Variants in RARB observed in about 807,000 individuals in gnomAD.
RARB encodes retinoic acid receptor beta.
A neutral mutation model predicts 51.9 loss-of-function variants in RARB; 17 were observed. The ratio of observed to expected loss-of-function variants is 0.33; its 90% CI spans 0.22 to 0.49. RARB has a LOEUF of 0.49. RARB is among the 20% of genes least tolerant of loss of function. RARB has a pLI of 0.99. For synonymous variants in RARB, 215 were observed against 195.4 expected, an observed-to-expected ratio of 1.10 and a Z score of -0.84; for missense variants, 369 against 550.8, an observed-to-expected ratio of 0.67 and a Z score of 3.30.
At chr3:25,200,081 AT>A (rs1701351624) in intron 5 of RARB, among the ~76,000 whole-genome samples, 1 of 152,062 alleles carries the variant, frequency 6.6e-6, no homozygotes, top group African/African-American at 2.4e-5. Flanking sequence ...AAGTATTCCT[AT>A]TTCTCCACAT....
intron 3 of RARB, among the ~76,000 whole-genome samples, chr3:25,512,179 C>T (rs1195655276): frequency 6.6e-6 from 1 of 152,164 alleles, no homozygotes; most frequent in Non-Finnish European, 1.5e-5. Flanking sequence ...TGTTACTGTT[C>T]CGGTATCTGT....
At chr3:24,971,060 C>T (rs188099859) in intron 2 of RARB, among the ~76,000 whole-genome samples, 1 of 152,024 alleles carries the variant, frequency 6.6e-6, no homozygotes, top group East Asian at 1.9e-4. Flanking sequence ...ATATGCAGTA[C>T]AGGAGACATG....
chr3:25,050,399 A>C (rs1698306427), intron 2 of RARB, among the ~76,000 whole-genome samples: 1 of 152,164 alleles, frequency 6.6e-6, no homozygotes. Flanking sequence ...TAATACTTCT[A>C]ATTAAATCTT....
chr3:25,277,410 G>C (rs1703421941), intron 5 of RARB, among the ~76,000 whole-genome samples: 1 of 152,134 alleles, frequency 6.6e-6, no homozygotes, highest in African/African-American at 2.4e-5. Flanking sequence ...TGCAGAAGTG[G>C]AAAGACACAA....
intron 3 of RARB, among the ~76,000 whole-genome samples, chr3:25,077,000 A>G (rs1698884052): frequency 6.6e-6 from 1 of 152,204 alleles, no homozygotes; most frequent in Non-Finnish European, 1.5e-5. Flanking sequence ...CCAGTCTTTC[A>G]GATTTGTGTG....
intron 2 of RARB, among the ~76,000 whole-genome samples, chr3:24,859,330 G>T (rs1575039284): frequency 1.3e-5 from 2 of 152,160 alleles, no homozygotes; most frequent in Admixed American, 1.3e-4. Flanking sequence ...AGTGGGAATG[G>T]ATTCAGGGGG....
At chr3:25,498,269 C>G (rs961398235) in intron 2 of RARB, among the ~76,000 whole-genome samples, 1 of 152,058 alleles carries the variant, frequency 6.6e-6, no homozygotes. Flanking sequence ...GCCCCCACCC[C>G]CTACCCGCCA....
intron 5 of RARB, among the ~76,000 whole-genome samples, chr3:25,244,151 G>A (rs931004443): frequency 3.9e-5 from 6 of 152,170 alleles, no homozygotes; most frequent in Admixed American, 3.9e-4. Flanking sequence ...GGGATCAGTG[G>A]TGATATCCCC....
rs908808962 is a variant in RARB, at chr3:25,537,591, A to G, written c.449-32167A>G. Among the ~76,000 whole-genome samples, 10 of 152,190 alleles carry G rather than the reference A, an allele frequency of 6.6e-5. No homozygotes were observed. The East Asian group carries it at 7.7e-4, about 12-fold the overall frequency. On this transcript the variant is annotated intron_variant, in intron 3 of 7. Coordinates refer to ENST00000330688, the MANE Select transcript of RARB (RefSeq NM_000965.5). Reference sequence around the variant, plus strand: ...CCTAACCCCACATTGCCGTATCATGAAAATGCCTGTGGAATGAGGGGACTG... The same window carrying G: ...CCTAACCCCACATTGCCGTATCATGGAAATGCCTGTGGAATGAGGGGACTG...
chr3:24,829,940 G>T (rs1702258073), intron 1 of RARB, among the ~76,000 whole-genome samples: 1 of 152,208 alleles, frequency 6.6e-6, no homozygotes, highest in African/African-American at 2.4e-5. Context: ...AGGCCGGGGT[G>T]TCGGACCTCT....
At chr3:25,376,248 C>T (rs1247889147) in intron 5 of RARB, among the ~76,000 whole-genome samples, 1 of 152,148 alleles carries the variant, frequency 6.6e-6, no homozygotes, top group Non-Finnish European at 1.5e-5. Context: ...TCTTACCTAC[C>T]TGGAAGCCCT....
intron 2 of RARB, among the ~76,000 whole-genome samples, chr3:24,976,901 A>G (rs545189795): frequency 9.1e-4 from 139 of 152,292 alleles, no homozygotes; most frequent in Non-Finnish European, 1.2e-3. Context: ...GAGGTCTAAC[A>G]TTTAAGTCTT....
intron 5 of RARB, among the ~76,000 whole-genome samples, chr3:25,276,690 G>C (rs763453490): frequency 1.5e-4 from 23 of 152,102 alleles, no homozygotes; most frequent in Non-Finnish European, 2.9e-4. Context: ...CTTAGCATAG[G>C]AAAGGCCTAA....
At chr3:25,129,584 A>T (rs1699912940) in intron 3 of RARB, among the ~76,000 whole-genome samples, 1 of 152,104 alleles carries the variant, frequency 6.6e-6, no homozygotes, top group Admixed American at 6.6e-5. Context: ...ACTACAAAAT[A>T]TTTTATCTTC....
intron 5 of RARB, among the ~76,000 whole-genome samples, chr3:25,341,025 T>A (rs183332491): frequency 1.5e-3 from 222 of 152,306 alleles, no homozygotes; most frequent in Middle Eastern, 3.4e-3. Context: ...GCGTTGTCTT[T>A]GCCTCTCAAT....
chr3:25,345,492 C>T (rs1186234553), intron 5 of RARB, among the ~76,000 whole-genome samples: 1 of 151,928 alleles, frequency 6.6e-6, no homozygotes, highest in African/African-American at 2.4e-5. Context: ...TGGTGAAACT[C>T]TGTCTCTACT....
Position 25,068,438 on chromosome 3 carries a change from T to C in RARB, c.-328+8262T>C, listed in dbSNP as rs559380083. Reference sequence around the variant, plus strand: ...AGTTTGAGGAGGAAAGAAATAGATTTAGAAGGAAACTAAGAAAACAAAAAG... The same window carrying C: ...AGTTTGAGGAGGAAAGAAATAGATTCAGAAGGAAACTAAGAAAACAAAAAG... On this transcript the variant is annotated intron_variant, in intron 3 of 11. Coordinates refer to the RARB transcript ENST00000383772. 2.6e-5 allele frequency among the ~76,000 whole-genome samples: 4 copies of C among 152,242 alleles called. No homozygotes were observed. The South Asian group carries it at 8.3e-4, about 32-fold the overall frequency.
intron 2 of RARB, among the ~76,000 whole-genome samples, chr3:25,482,506 T>C (rs1446227905): frequency 6.7e-6 from 1 of 148,908 alleles, no homozygotes; most frequent in African/African-American, 2.5e-5. Flanking sequence ...TAACTTTAAA[T>C]TTTCTAGCAG....
chr3:25,329,849 C>G (rs915404884), intron 5 of RARB, among the ~76,000 whole-genome samples: 1 of 151,920 alleles, frequency 6.6e-6, no homozygotes, highest in Non-Finnish European at 1.5e-5. Context: ...AACCATGGCA[C>G]GAGAACTACG....
Sources: gnomAD v4.1 joint callset for allele counts (sites outside exome capture counted in the v4.1 genomes callset) on GRCh38, gnomAD v4.1.1 for gene constraint, MANE v1.5 for transcripts, NCBI Gene and HGNC (gene_info 2026-07-23, HGNC 2026-07-21) for gene names.